GIT1: variants seen among roughly 807,000 people sequenced by gnomAD.
The protein encoded by GIT1 is ARF GTPase-activating protein GIT1.
Under a neutral mutation model 91.7 loss-of-function variants are expected in GIT1, and 14 were observed. That is an observed-to-expected ratio of 0.15 (90% CI 0.10 to 0.24). The LOEUF (loss-of-function observed/expected upper bound fraction) is 0.24. Among genes scored for constraint, GIT1 ranks in the 10% least tolerant of loss-of-function variants. The pLI is 1.00. For missense variants in GIT1, 717 were observed against 1,024.9 expected (o/e 0.70, Z 4.10); for synonymous variants, 414 against 418.2 (o/e 0.99, Z 0.12).
chr17:29,584,232 G>C (rs1469188661), intron 1 of GIT1, among the ~76,000 whole-genome samples: 1 of 152,220 alleles, frequency 6.6e-6, no homozygotes, highest in Non-Finnish European at 1.5e-5. Context: ...GATGCTGCTT[G>C]CAACTGTCAG....
rs778652603 is a variant in GIT1 at position 29,581,850 on chromosome 17, G to A, written c.624-14C>T. ...TGCCCCGCCTGCCTGTGAGGAGGGG[G>A]TATGGCTCAGACCTGCAGCAGCAGC... is the stretch of plus-strand genomic sequence containing the variant. On this transcript the variant is annotated splice_polypyrimidine_tract_variant and intron_variant, in intron 5 of 19. Transcript: ENST00000225394. This position sits in a 1 kb window ranked among gnomAD's most constrained non-coding sequence, Gnocchi z 4.8. 5.6e-6 allele frequency: 9 copies of A among 1,610,954 alleles called. No homozygotes were observed. The Admixed American group carries it at 8.3e-5, about 15-fold the overall frequency.
intron 1 of GIT1, among the ~76,000 whole-genome samples, chr17:29,588,712 C>G (rs756796070): frequency 2.6e-5 from 4 of 152,210 alleles, no homozygotes; most frequent in Non-Finnish European, 5.9e-5. Flanking sequence ...GAGAAGACAC[C>G]CGGGTCTAGA....
rs372287329 is a variant in GIT1 at position 29,577,200 on chromosome 17, C to G, written c.1029G>C (p.Leu343Phe). Residue 343 changes from leucine (L) to phenylalanine (F), a missense_variant, in exon 11 of 20, where the codon TTG (leucine) becomes TTC (phenylalanine). Leu to Phe is a conservative substitution (Grantham distance 22). Coordinates refer to ENST00000225394, the MANE Select transcript of GIT1 (RefSeq NM_014030.4). Reference protein sequence around the residue: ...ARFNAREFATLIIDILSEAKR... With the variant: ...ARFNAREFATFIIDILSEAKR... The stretch of plus-strand genomic sequence containing the variant: ...TGGCCTCACTGAGAATGTCGATGAT[C>G]AAGGTGGCAAACTCTCGGGCATTAA... The G allele has an allele frequency of 8.7e-6, 14 of 1,613,946 alleles. No individual in the cohort carries two copies. Among genetic ancestry groups the G allele is most frequent in the Non-Finnish European group, 1.1e-5 (13 of 1,180,010 alleles).
At position 29,583,510 on chromosome 17, in the gene GIT1, G is replaced by A. The variant is rs752283049; in HGVS notation, c.159C>T (p.His53=). The A allele has an allele frequency of 6.2e-7, 1 of 1,612,362 alleles. No homozygotes were observed. The highest frequency in any genetic ancestry group is 2.2e-5 in the East Asian group (1 of 44,902). ...GCAGCAGCGTGGGAGGCCAGGCGCT[G>A]TGGCGAAGGTGCTTGACAATGGAGA... ...RHISIVKHLR[H]SAWPPTLLQM... The change falls in exon 2 of 20, where the codon CAC becomes CAT. Residue 53 remains histidine, a synonymous_variant. Coordinates refer to ENST00000225394, the MANE Select transcript of GIT1 (RefSeq NM_014030.4).
At position 29,578,651 on chromosome 17, in the gene GIT1, G is replaced by A. The variant is rs577633757; in HGVS notation, c.810+80C>T. On this transcript the variant is annotated intron_variant, in intron 8 of 19. Coordinates refer to ENST00000225394, the MANE Select transcript of GIT1 (RefSeq NM_014030.4). ...CTTGGAAAAGGTCATCGAGTCAGAG[G>A]CAGAGGAAGCAAGAGCAGAGGGTGG... The A allele has an allele frequency of 7.1e-6, 9 of 1,265,330 alleles. No individual in the cohort carries two copies. In the African/African-American group the frequency reaches 1.3e-4, roughly 19 times the overall value. 78.4% of individuals were successfully genotyped at this position (1,265,330 alleles called of 1,614,324 possible).
chr17:29,578,241 G>A, intron 9 of GIT1, 58 bp downstream of exon 9: 1 of 1,369,514 alleles, frequency 7.3e-7, no homozygotes, highest in South Asian at 1.2e-5. Context: ...AAGGACCAGA[G>A]ACCCATGCCT....
chr17:29,582,136 G>A lies in GIT1; in HGVS notation c.414C>T (p.His138=), dbSNP rs2033419404. The A allele has an allele frequency of 6.4e-7, 1 of 1,571,718 alleles. No individual in the cohort carries two copies. ...CCAGGTTGCCTGTCCGCACGCTCGA[G>A]TGTAGTTGCTAAGAGGAGCAGAGTG... is the stretch of plus-strand genomic sequence containing the variant. The part of the protein sequence containing the change: ...VTAKDLSKQL[H]SSVRTGNLET... Residue 138 remains histidine (H), a synonymous_variant, in exon 5 of 20, where the codon CAC becomes CAT. Coordinates refer to ENST00000225394, the MANE Select transcript of GIT1 (RefSeq NM_014030.4).
chr17:29,585,878 T>C (rs1050679568), intron 1 of GIT1, among the ~76,000 whole-genome samples: 1 of 152,156 alleles, frequency 6.6e-6, no homozygotes, highest in Admixed American at 6.5e-5. Context: ...TGGGTCTGTA[T>C]GTGTGGAGAG....
Position 29,575,769 on chromosome 17 carries a change from C to T in GIT1, c.1752+43G>A, listed in dbSNP as rs759556920. 83 of 1,605,636 alleles carry T rather than the reference C, an allele frequency of 5.2e-5. No individual in the cohort carries two copies. The highest frequency in any genetic ancestry group is 1.6e-4 in the East Asian group (7 of 44,846). On this transcript the variant is annotated intron_variant, in intron 16 of 19. Transcript: ENST00000225394. The surrounding 1 kb of genome is among the most constrained non-coding windows in gnomAD (Gnocchi z 5.5). ...GGACCCACACTGCCCCTAGCCCACA[C>T]GGCCCCCAGCCACCCTGTGGGCACT... is the stretch of plus-strand genomic sequence containing the variant.
At chr17:29,580,929 G>A (rs187287703) in intron 7 of GIT1, 139 of 223,528 alleles carry the variant, frequency 6.2e-4, no homozygotes, top group African/African-American at 2.7e-3. Flanking sequence ...ACAGGCATGC[G>A]CCACCACGCC....
intron 10 of GIT1, 52 bp from the exon 11 acceptor site, chr17:29,577,299 G>C: frequency 7.3e-7 from 1 of 1,379,056 alleles, no homozygotes; most frequent in Non-Finnish European, 1.0e-6. Flanking sequence ...TATGACTGAC[G>C]CAGGACGGCA....
At chr17:29,582,171 T>C in intron 4 of GIT1, 27 bp from the exon 5 acceptor site, 1 of 1,498,320 alleles carries the variant, frequency 6.7e-7, no homozygotes, top group Non-Finnish European at 9.0e-7. Context: ...GTGCAGTGAA[T>C]ACGCATGTGC....
rs965496338 is a variant in GIT1 at position 29,575,227 on chromosome 17, C to G, written c.2009+61G>C. On this transcript the variant is annotated intron_variant, in intron 18 of 19. Transcript: ENST00000225394. The surrounding 1 kb of genome is among the most constrained non-coding windows in gnomAD (Gnocchi z 5.5). ...CAGAACCCAGGGCCCCTCATGCTCT[C>G]TGCAACACCCTAGAAGCCAACAGGA... 1 of 1,567,188 alleles carries G rather than the reference C, an allele frequency of 6.4e-7. No homozygotes were observed. Among genetic ancestry groups the G allele is most frequent in the African/African-American group, 1.4e-5 (1 of 74,048 alleles).
At chr17:29,584,290 G>A (rs2033508113) in intron 1 of GIT1, among the ~76,000 whole-genome samples, 1 of 152,256 alleles carries the variant, frequency 6.6e-6, no homozygotes, top group Non-Finnish European at 1.5e-5. Flanking sequence ...GTGGCTCAGA[G>A]AGGTTAAAGG....
intron 7 of GIT1, among the ~76,000 whole-genome samples, chr17:29,579,557 G>A (rs974999308): frequency 1.4e-4 from 21 of 152,098 alleles, no homozygotes; most frequent in African/African-American, 4.8e-4. Flanking sequence ...ACCAGCCTGG[G>A]CAACACAGAG....
At chr17:29,578,395 T>G (rs2033286221) in intron 8 of GIT1, 24 bp from the exon 9 acceptor site, 1 of 1,608,884 alleles carries the variant, frequency 6.2e-7, no homozygotes, top group East Asian at 2.2e-5. Context: ...GGGGCCCAGA[T>G]GTTGTCAGAT....
intron 1 of GIT1, among the ~76,000 whole-genome samples, chr17:29,585,156 G>A (rs1598579232): frequency 6.6e-6 from 1 of 151,950 alleles, no homozygotes; most frequent in Non-Finnish European, 1.5e-5. Context: ...AAGAGGGGGA[G>A]CCCTAGCATG....
At chr17:29,582,653 G>T in intron 4 of GIT1, 45 bp downstream of exon 4, 2 of 1,301,462 alleles carry the variant, frequency 1.5e-6, no homozygotes, top group Non-Finnish European at 2.2e-6. Flanking sequence ...TCGTGGATGG[G>T]AAGAAGAGGA....
At chr17:29,579,116 C>G in intron 7 of GIT1, 1 of 797,766 alleles carries the variant, frequency 1.3e-6, no homozygotes, top group Non-Finnish European at 2.2e-6. Context: ...CCAGAAGGGA[C>G]AAAGCTGAAT....
Sources: allele counts gnomAD v4.1 joint callset (sites outside exome capture counted in the v4.1 genomes callset), GRCh38; gene constraint gnomAD v4.1.1; non-coding constraint Gnocchi (gnomAD v3.1); transcripts MANE v1.5; gene names NCBI Gene and HGNC (gene_info 2026-07-23, HGNC 2026-07-21).